Variants in NRG1 observed in about 807,000 individuals in gnomAD.
NRG1 encodes neuregulin 1, also known as pro-neuregulin-1, membrane-bound isoform.
In NRG1, 18 loss-of-function variants were observed where a neutral mutation model predicts 63.8. The ratio of observed to expected loss-of-function variants is 0.28; its 90% confidence interval spans 0.19 to 0.42. The LOEUF (loss-of-function observed/expected upper bound fraction) is 0.42. Ranked by LOEUF, NRG1 falls within the 10% of genes least tolerant of loss-of-function variation. NRG1 has a pLI of 1.00. For synonymous variants in NRG1, 302 were observed against 301.3 expected, an observed-to-expected ratio of 1.00 and a Z score of -0.02; for missense variants, 762 against 814.7, an observed-to-expected ratio of 0.94 and a Z score of 0.79.
chr8:32,134,000 A>G (rs1299854303), intron 1 of NRG1, among the ~76,000 whole-genome samples: 1 of 152,136 alleles, frequency 6.6e-6, no homozygotes, highest in Non-Finnish European at 1.5e-5. Flanking sequence ...CTTAAAAACA[A>G]AAGTCCAGAT....
chr8:31,836,407 C>G (rs1446318367), intron 1 of NRG1, among the ~76,000 whole-genome samples: 1 of 152,004 alleles, frequency 6.6e-6, no homozygotes, highest in Non-Finnish European at 1.5e-5. Context: ...GTAAAGTTTT[C>G]TTCCCATCTA....
intron 1 of NRG1, among the ~76,000 whole-genome samples, chr8:32,355,272 A>G (rs1229577819): frequency 6.6e-6 from 1 of 152,100 alleles, no homozygotes; most frequent in African/African-American, 2.4e-5. Flanking sequence ...CAGCCTGGGC[A>G]ACGTGATGAA....
At chr8:32,001,383 A>T (rs560808780) in intron 1 of NRG1, among the ~76,000 whole-genome samples, 53 of 152,024 alleles carry the variant, frequency 3.5e-4, no homozygotes, top group African/African-American at 1.2e-3. Flanking sequence ...GTAAGACATG[A>T]CTTTGTTCCC....
intron 1 of NRG1, among the ~76,000 whole-genome samples, chr8:31,854,844 T>A (rs1827672889): frequency 1.3e-5 from 2 of 152,320 alleles, no homozygotes; most frequent in African/African-American, 2.4e-5. Context: ...AGAACATCTT[T>A]ATTTCTGCCT....
intron 1 of NRG1, among the ~76,000 whole-genome samples, chr8:32,043,732 C>T (rs1338192535): frequency 2.6e-5 from 4 of 151,740 alleles, no homozygotes; most frequent in Non-Finnish European, 5.9e-5. Flanking sequence ...CTAAATATAA[C>T]ATGAAAATTA....
chr8:32,452,036 C>T (rs1269421003), intron 1 of NRG1, among the ~76,000 whole-genome samples: 1 of 152,112 alleles, frequency 6.6e-6, no homozygotes, highest in Non-Finnish European at 1.5e-5. Context: ...TCATGTTGGC[C>T]AGGCTGATCT....
chr8:31,730,122 C>T (rs755350664), intron 1 of NRG1, among the ~76,000 whole-genome samples: 1 of 152,124 alleles, frequency 6.6e-6, no homozygotes, highest in South Asian at 2.1e-4. Context: ...AAACAACATT[C>T]TTGTGGTTTG....
intron 1 of NRG1, among the ~76,000 whole-genome samples, chr8:31,952,971 AT>A (rs1803717571): frequency 6.6e-6 from 1 of 152,244 alleles, no homozygotes; most frequent in South Asian, 2.1e-4. Context: ...AATTATTTGC[AT>A]TAAAAAATGT....
At chr8:32,549,778 G>C (rs990638103) in intron 1 of NRG1, among the ~76,000 whole-genome samples, 3 of 152,186 alleles carry the variant, frequency 2.0e-5, no homozygotes, top group Non-Finnish European at 4.4e-5. Context: ...AAAGAGGCAT[G>C]TCGAATAAAT....
At chr8:31,848,140 G>A (rs1429527801) in intron 1 of NRG1, among the ~76,000 whole-genome samples, 1 of 152,170 alleles carries the variant, frequency 6.6e-6, no homozygotes, top group Non-Finnish European at 1.5e-5. Context: ...GAAACTGTCA[G>A]ATCTGAATAA....
chr8:32,180,600 TTTTG>T (rs886584261), intron 1 of NRG1, among the ~76,000 whole-genome samples: 1 of 152,120 alleles, frequency 6.6e-6, no homozygotes, highest in Non-Finnish European at 1.5e-5. Flanking sequence ...CTGTTAATAT[TTTTG>T]TTTTATTTTG....
chr8:32,760,491 C>G (rs1830498466), intron 11 of NRG1, 85 bp downstream of exon 11: 2 of 1,583,150 alleles, frequency 1.3e-6, no homozygotes, highest in African/African-American at 2.7e-5. Context: ...CTCAGGAAAT[C>G]TACTCTAATC....
chr8:32,441,538 A>G (rs1269207936), intron 1 of NRG1: 1 of 152,046 alleles, frequency 6.6e-6, no homozygotes, highest in Admixed American at 6.6e-5. Flanking sequence ...AGGAACCCTC[A>G]ACCCCAGGAG....
chr8:32,247,381 G>A (rs754242452), intron 1 of NRG1, among the ~76,000 whole-genome samples: 5 of 152,080 alleles, frequency 3.3e-5, no homozygotes, highest in African/African-American at 1.2e-4. Context: ...CCTAGGGAAG[G>A]TTAAGCATCT....
chr8:32,186,104 A>G (rs1054150704), intron 1 of NRG1, among the ~76,000 whole-genome samples: 31 of 152,144 alleles, frequency 2.0e-4, no homozygotes, highest in African/African-American at 7.0e-4. Context: ...TGGCTATTAA[A>G]CTCATATCTA....
chr8:32,464,013 C>T lies in NRG1; in HGVS notation c.38-131815C>T, dbSNP rs954854173. On this transcript the variant is annotated intron_variant, in intron 1 of 10. Transcript: ENST00000519301. ...GTTCAAGTGATTCTCCTGCCTCAGC[C>T]TCCCGAGTAGCTGGGATTACAGGTG... Among the ~76,000 whole-genome samples the T allele has an allele frequency of 1.9e-4, 28 of 148,428 alleles. No individual in the cohort carries two copies. The East Asian group carries it at 5.2e-3, about 28-fold the overall frequency.
At chr8:31,919,888 C>T (rs1036988756) in intron 1 of NRG1, among the ~76,000 whole-genome samples, 5 of 151,994 alleles carry the variant, frequency 3.3e-5, no homozygotes. Flanking sequence ...GAGAAAAAAA[C>T]ATTTAATGTG....
rs892342602 is a variant in NRG1, at chr8:32,608,114, T to G, written c.400+2431T>G. Among the ~76,000 whole-genome samples the G allele has an allele frequency of 5.5e-5, 8 of 144,844 alleles. No homozygotes were observed. The East Asian group carries it at 7.5e-4, about 14-fold the overall frequency. On this transcript the variant is annotated intron_variant, in intron 3 of 11. Coordinates refer to ENST00000356819, the Ensembl canonical transcript of NRG1. ...TTTGTTTTTTTTTTTTTTGTTTTTT[T>G]TTTTTTTTGCTTCATTCCTACCACA...
At chr8:32,647,729 T>C (rs1853939666) in intron 5 of NRG1, 2 of 1,568,378 alleles carry the variant, frequency 1.3e-6, no homozygotes, top group Admixed American at 1.9e-5. Context: ...TGGAGATTTA[T>C]TCCCCAGACA....
Sources: gnomAD v4.1 joint callset for allele counts (sites outside exome capture counted in the v4.1 genomes callset) on GRCh38, gnomAD v4.1.1 for gene constraint, MANE v1.5 for transcripts, NCBI Gene and HGNC (gene_info 2026-07-23, HGNC 2026-07-21) for gene names.